CACNA1A: variants seen among roughly 807,000 people sequenced by gnomAD.
The protein encoded by CACNA1A is voltage-dependent P/Q-type calcium channel subunit alpha-1A.
CACNA1A carries 57 observed loss-of-function variants against 262.4 expected under a neutral mutation model. That is an observed-to-expected ratio of 0.22 (90% CI 0.18 to 0.27). CACNA1A has a LOEUF of 0.27. Ranked by LOEUF, CACNA1A falls within the 10% of genes least tolerant of loss-of-function variation. The pLI, the probability that CACNA1A is intolerant of heterozygous loss-of-function variation, is 1.00. For missense variants in CACNA1A, 2,526 were observed against 3,562.8 expected, an observed-to-expected ratio of 0.71 and a Z score of 7.41; for synonymous variants, 1,431 against 1,419.3, an observed-to-expected ratio of 1.01 and a Z score of -0.18.
chr19:13,448,960 A>C (rs974164400), intron 3 of CACNA1A, among the ~76,000 whole-genome samples: 8 of 151,354 alleles, frequency 5.3e-5, no homozygotes, highest in African/African-American at 1.7e-4. Context: ...TCTTTTTTTT[A>C]TTTTTTATTT....
At chr19:13,211,903 T>G in intron 43 of CACNA1A, 200 bp downstream of exon 43, 1 of 557,706 alleles carries the variant, frequency 1.8e-6, no homozygotes. Flanking sequence ...CTGTCCTCTG[T>G]GAGGGAGGAG....
intron 1 of CACNA1A, among the ~76,000 whole-genome samples, chr19:13,479,074 T>A (rs1978929610): frequency 6.6e-6 from 1 of 152,160 alleles, no homozygotes; most frequent in African/African-American, 2.4e-5. Context: ...CTCAGGAGGC[T>A]GAGGCAGGAG....
chr19:13,327,669 G>A (rs543677216), intron 10 of CACNA1A, among the ~76,000 whole-genome samples: 2 of 151,662 alleles, frequency 1.3e-5, no homozygotes, highest in Admixed American at 6.6e-5. Flanking sequence ...CGCCTCCCGG[G>A]TTCAAGTGAT....
Position 13,207,398 on chromosome 19 carries a change from G to T in CACNA1A, c.7436C>A (p.Ala2479Glu). The part of the protein sequence containing the change: ...GRRLPNGYYP[A>E]HGLARPRGPG... The stretch of plus-strand genomic sequence containing the variant: ...CCCGCGGGGCCTGGCCAGTCCGTGC[G>T]CCGGGTAGTAGCCGTTGGGGAGTCG... The change falls in exon 47 of 47, where the codon GCG (alanine) becomes GAG (glutamate). Residue 2479 changes from alanine (A) to glutamate (E), a missense_variant. Physicochemically the swap from Ala to Glu is moderately radical, Grantham distance 107. Coordinates refer to ENST00000360228, the MANE Select transcript of CACNA1A (RefSeq NM_001127222.2). This position sits in a 1 kb window ranked among gnomAD's most constrained non-coding sequence, Gnocchi z 5.7. 1 of 1,538,324 alleles carries T rather than the reference G, an allele frequency of 6.5e-7. No individual in the cohort carries two copies. Among genetic ancestry groups the T allele is most frequent in the Middle Eastern group, 1.7e-4 (1 of 5,942 alleles).
intron 20 of CACNA1A, among the ~76,000 whole-genome samples, chr19:13,286,108 TAG>T (rs1178128031): frequency 6.6e-6 from 1 of 151,920 alleles, no homozygotes; most frequent in African/African-American, 2.4e-5. Flanking sequence ...ATGTGGCGAC[TAG>T]AGAGTTTAAA....
chr19:13,398,485 C>T (rs1477649457), intron 3 of CACNA1A, among the ~76,000 whole-genome samples: 1 of 152,158 alleles, frequency 6.6e-6, no homozygotes. Flanking sequence ...TGATGGATCT[C>T]TGGTGTCTAG....
chr19:13,281,090 T>C (rs2057278302), intron 22 of CACNA1A, among the ~76,000 whole-genome samples: 1 of 151,966 alleles, frequency 6.6e-6, no homozygotes, highest in Non-Finnish European at 1.5e-5. Context: ...TGTTGGCCAA[T>C]TACAGGCATG....
chr19:13,328,621 C>T (rs867138840), intron 10 of CACNA1A, among the ~76,000 whole-genome samples: 5 of 152,000 alleles, frequency 3.3e-5, no homozygotes, highest in African/African-American at 7.2e-5. Flanking sequence ...CAAGGAAATA[C>T]GCCCAAAGGG....
chr19:13,451,343 T>C (rs2060910930), intron 3 of CACNA1A: 1 of 152,208 alleles, frequency 6.6e-6, no homozygotes, highest in South Asian at 2.1e-4. Flanking sequence ...CAACAAAACA[T>C]GGAAAGCTAT....
intron 3 of CACNA1A, among the ~76,000 whole-genome samples, chr19:13,388,898 T>G (rs1045206682): frequency 4.6e-5 from 7 of 152,146 alleles, no homozygotes; most frequent in Admixed American, 3.9e-4. Flanking sequence ...CATATTTTTA[T>G]TTTTTGTTTT....
At chr19:13,376,796 T>TA (rs55810432) in intron 3 of CACNA1A, among the ~76,000 whole-genome samples, 64,587 of 144,758 alleles carry the variant, frequency 0.45, 14,432 homozygotes, top group Middle Eastern at 0.57. Flanking sequence ...GTGACATATA[T>TA]ACACATAATA....
intron 15 of CACNA1A, among the ~76,000 whole-genome samples, chr19:13,304,978 G>A (rs909300881): frequency 6.6e-6 from 1 of 152,200 alleles, no homozygotes; most frequent in African/African-American, 2.4e-5. Flanking sequence ...TACGTGGATA[G>A]CACAAATGTA....
At chr19:13,325,632 G>A (rs1391043038) in intron 10 of CACNA1A, among the ~76,000 whole-genome samples, 1 of 152,050 alleles carries the variant, frequency 6.6e-6, no homozygotes. Context: ...ACAAAGTTTC[G>A]CCATGTTGGC....
intron 1 of CACNA1A, among the ~76,000 whole-genome samples, chr19:13,483,126 A>G (rs1979553860): frequency 6.6e-6 from 1 of 152,092 alleles, no homozygotes. Context: ...CACTACTTCT[A>G]TATGTGGCCT....
In CACNA1A at chr19:13,259,587, C is replaced by A. The variant is rs2144758200; in HGVS notation, c.4365G>T (p.Val1455=). ...VLWALLTLFT[V]STGEGWPQVL... Reference sequence around the variant, plus strand: ...ACTGTGGCCAGCCTTCTCCCGTGGACACGGTGAAGAGGGTCAGCAGAGCCC... The same window carrying A: ...ACTGTGGCCAGCCTTCTCCCGTGGAAACGGTGAAGAGGGTCAGCAGAGCCC... The change falls in exon 27 of 47, where the codon GTG becomes GTT. Residue 1455 remains valine (V), a synonymous_variant. Coordinates refer to ENST00000360228, the MANE Select transcript of CACNA1A (RefSeq NM_001127222.2). 6.2e-7 allele frequency: 1 copy of A among 1,609,036 alleles called. No individual in the cohort carries two copies. The highest frequency in any genetic ancestry group is 1.7e-5 in the Admixed American group (1 of 59,382).
chr19:13,292,409 T>C (rs539941165), intron 19 of CACNA1A, among the ~76,000 whole-genome samples: 12 of 152,178 alleles, frequency 7.9e-5, no homozygotes, highest in Non-Finnish European at 1.6e-4. Context: ...ACCCAGGAGT[T>C]GGAGACCAGC....
chr19:13,505,141 AG>A (rs1217735519), intron 1 of CACNA1A, among the ~76,000 whole-genome samples: 2 of 152,156 alleles, frequency 1.3e-5, no homozygotes, highest in African/African-American at 4.8e-5. Flanking sequence ...TGTCCAGATC[AG>A]GTCTTCCCAG....
At chr19:13,296,372 G>C (rs2057667193) in intron 19 of CACNA1A, among the ~76,000 whole-genome samples, 1 of 152,138 alleles carries the variant, frequency 6.6e-6, no homozygotes, top group African/African-American at 2.4e-5. Context: ...ACTAAGAGCA[G>C]GTTAATTTGT....
At chr19:13,358,543 TAAGA>T (rs2059047111) in intron 6 of CACNA1A, among the ~76,000 whole-genome samples, 1 of 152,146 alleles carries the variant, frequency 6.6e-6, no homozygotes, top group Non-Finnish European at 1.5e-5. Flanking sequence ...CTCCTTGGGA[TAAGA>T]AAGAGGGGGG....
Sources: gnomAD v4.1 joint callset for allele counts (sites outside exome capture counted in the v4.1 genomes callset) on GRCh38, gnomAD v4.1.1 for gene constraint, Gnocchi (gnomAD v3.1) non-coding constraint, MANE v1.5 for transcripts, NCBI Gene and HGNC (gene_info 2026-07-23, HGNC 2026-07-21) for gene names.